CLDN14: variants seen among roughly 807,000 people sequenced by gnomAD.
CLDN14 encodes the protein claudin-14.
Under a neutral mutation model 2.1 loss-of-function variants are expected in CLDN14, and 2 were observed. The observed-to-expected ratio is 0.96, with a 90% CI of 0.39 to 3.01. The LOEUF is 3.01. Ranked by LOEUF, CLDN14 falls within the 30% of genes most tolerant of loss-of-function variation. The pLI, the probability that CLDN14 is intolerant of heterozygous loss-of-function variation, is 0.09. For missense variants in CLDN14, 298 were observed against 328.0 expected (o/e 0.91, Z 0.71); for synonymous variants, 136 against 154.4 (o/e 0.88, Z 0.88).
At chr21:36,534,689 C>A (rs1190354262) in intron 1 of CLDN14, among the ~76,000 whole-genome samples, 2 of 152,166 alleles carry the variant, frequency 1.3e-5, no homozygotes, top group African/African-American at 4.8e-5. Flanking sequence ...GGGCAAGCAG[C>A]CTCTAAATTA....
chr21:36,503,481 T>G (rs991249639), intron 2 of CLDN14, among the ~76,000 whole-genome samples: 9 of 152,202 alleles, frequency 5.9e-5, no homozygotes, highest in African/African-American at 2.2e-4. Context: ...GACAGAGATC[T>G]GATGGTTTTA....
chr21:36,526,867 CA>C (rs1490332013), intron 1 of CLDN14, among the ~76,000 whole-genome samples: 1 of 152,188 alleles, frequency 6.6e-6, no homozygotes, highest in Non-Finnish European at 1.5e-5. Context: ...ATCTCATTAG[CA>C]CAAATGTACT....
intron 1 of CLDN14, among the ~76,000 whole-genome samples, chr21:36,523,557 G>T (rs9680377): frequency 1.3e-5 from 2 of 151,666 alleles, no homozygotes; most frequent in Non-Finnish European, 2.9e-5. Flanking sequence ...GACCAACCTG[G>T]TCGACATGGC....
chr21:36,565,297 G>A (rs929012654), intron 1 of CLDN14, among the ~76,000 whole-genome samples: 1 of 152,194 alleles, frequency 6.6e-6, no homozygotes. Flanking sequence ...GAATGGGCAT[G>A]AGGTCACCAT....
intron 1 of CLDN14, among the ~76,000 whole-genome samples, chr21:36,553,798 G>C (rs2087578916): frequency 6.6e-6 from 1 of 152,144 alleles, no homozygotes; most frequent in African/African-American, 2.4e-5. Flanking sequence ...AACTGTGTGT[G>C]AGATGAGGGA....
At chr21:36,543,995 G>A (rs1052661323) in intron 1 of CLDN14, among the ~76,000 whole-genome samples, 2 of 152,242 alleles carry the variant, frequency 1.3e-5, no homozygotes, top group African/African-American at 4.8e-5. Flanking sequence ...CCCCAAGGCT[G>A]CAGCCAGGGA....
At chr21:36,522,666 C>T (rs943769157) in intron 1 of CLDN14, among the ~76,000 whole-genome samples, 11 of 152,274 alleles carry the variant, frequency 7.2e-5, no homozygotes, top group Admixed American at 6.5e-4. Flanking sequence ...TCCCCGGAGC[C>T]CAACACATAA....
intron 1 of CLDN14, among the ~76,000 whole-genome samples, chr21:36,571,119 C>T (rs2087707241): frequency 6.6e-6 from 1 of 152,234 alleles, no homozygotes; most frequent in Non-Finnish European, 1.5e-5. Flanking sequence ...GGATTACAGG[C>T]GTGAGCCGCC....
At chr21:36,503,352 C>A (rs1433222100) in intron 2 of CLDN14, among the ~76,000 whole-genome samples, 2 of 152,232 alleles carry the variant, frequency 1.3e-5, no homozygotes, top group Non-Finnish European at 2.9e-5. Context: ...CTATGCCCAG[C>A]TAATATGGTT....
At chr21:36,538,467 A>G (rs1372025273) in intron 1 of CLDN14, among the ~76,000 whole-genome samples, 1 of 152,116 alleles carries the variant, frequency 6.6e-6, no homozygotes, top group African/African-American at 2.4e-5. Flanking sequence ...TACAAAAATT[A>G]GCTGGGTGTG....
At chr21:36,480,415 A>G (rs1355199058), upstream of CLDN14, 1 of 152,258 alleles carries the variant, frequency 6.6e-6, no homozygotes, top group African/African-American at 2.4e-5. Flanking sequence ...CTTGACAGCG[A>G]TGTCCAGGAG....
intron 1 of CLDN14, among the ~76,000 whole-genome samples, chr21:36,537,249 GA>G (rs949006294): frequency 4.0e-4 from 59 of 148,000 alleles, no homozygotes; most frequent in Non-Finnish European, 5.8e-4. Context: ...GAGAGAGAGA[GA>G]AAAAAAAATC....
chr21:36,530,569 A>C (rs962919434), intron 1 of CLDN14, among the ~76,000 whole-genome samples: 5 of 152,250 alleles, frequency 3.3e-5, no homozygotes, highest in Non-Finnish European at 5.9e-5. Flanking sequence ...TAATAAATCT[A>C]ACAAAGGGCA....
chr21:36,537,365 G>A (rs918149035), intron 1 of CLDN14, among the ~76,000 whole-genome samples: 6 of 152,062 alleles, frequency 3.9e-5, no homozygotes, highest in African/African-American at 7.3e-5. Flanking sequence ...ATAAAAAGAC[G>A]TAACAATGAA....
At chr21:36,505,980 A>G (rs901711328) in intron 2 of CLDN14, among the ~76,000 whole-genome samples, 2 of 152,218 alleles carry the variant, frequency 1.3e-5, no homozygotes, top group African/African-American at 4.8e-5. Context: ...ATCAAAATGT[A>G]AACAGTGAAT....
At chr21:36,572,692 T>C (rs551027900) in intron 1 of CLDN14, among the ~76,000 whole-genome samples, 21 of 152,174 alleles carry the variant, frequency 1.4e-4, no homozygotes, top group Non-Finnish European at 3.1e-4. Context: ...CTGGTCAAAA[T>C]TGTGGGCTCT....
intron 1 of CLDN14, among the ~76,000 whole-genome samples, chr21:36,521,092 C>T (rs918702512): frequency 3.1e-4 from 47 of 151,982 alleles, no homozygotes; most frequent in African/African-American, 1.0e-3. Flanking sequence ...AAAAAAAAAT[C>T]ACTTATTTTT....
chr21:36,530,998 A>G (rs925100017), intron 1 of CLDN14, among the ~76,000 whole-genome samples: 1 of 152,204 alleles, frequency 6.6e-6, no homozygotes, highest in Admixed American at 6.5e-5. Context: ...CGGGAAGCCC[A>G]GATGGGCAGA....
Position 36,460,926 on chromosome 21 carries a change from G to T in CLDN14, c.*50C>A, listed in dbSNP as rs765378283. The T allele has an allele frequency of 1.3e-6, 2 of 1,591,668 alleles. No individual in the cohort carries two copies. The highest frequency in any genetic ancestry group is 1.7e-6 in the Non-Finnish European group (2 of 1,168,602). On this transcript the variant is annotated 3_prime_UTR_variant, in exon 2 of 2. Coordinates refer to ENST00000399135, the MANE Select transcript of CLDN14 (RefSeq NM_001146079.2). This position sits in a 1 kb window ranked among gnomAD's most constrained non-coding sequence, Gnocchi z 4.0. ...AACCCCTGCCTCCATTGACAGTCCC[G>T]CCGGGGACCCAGCCCACAGCAGCCC... is the stretch of plus-strand genomic sequence containing the variant.
Sources: allele counts gnomAD v4.1 joint callset (sites outside exome capture counted in the v4.1 genomes callset), GRCh38; gene constraint gnomAD v4.1.1; non-coding constraint Gnocchi (gnomAD v3.1); transcripts MANE v1.5; gene names NCBI Gene and HGNC (gene_info 2026-07-23, HGNC 2026-07-21).